NSF: variants seen among roughly 807,000 people sequenced by gnomAD.
The protein encoded by NSF is vesicle-fusing ATPase.
Under a neutral mutation model 50.3 loss-of-function variants are expected in NSF, and 14 were observed. The observed-to-expected ratio is 0.28, with a 90% confidence interval of 0.18 to 0.44. NSF has a LOEUF of 0.44. NSF is among the 20% of genes least tolerant of loss of function. The pLI, the probability that NSF is intolerant of heterozygous loss-of-function variation, is 1.00. For synonymous variants in NSF, 109 were observed against 175.7 expected, an observed-to-expected ratio of 0.62 and a Z score of 3.00; for missense variants, 218 against 504.3, an observed-to-expected ratio of 0.43 and a Z score of 5.44.
intron 14 of NSF, 64 bp from the exon 15 acceptor site, chr17:46,713,789 C>T (rs1164381074): frequency 6.5e-7 from 1 of 1,537,842 alleles, no homozygotes; most frequent in African/African-American, 1.4e-5. Flanking sequence ...AAAGTTTAAA[C>T]TTGTTTTATT....
chr17:46,711,614 C>T (rs2058719775), intron 14 of NSF, among the ~76,000 whole-genome samples: 1 of 152,100 alleles, frequency 6.6e-6, no homozygotes, highest in South Asian at 2.1e-4. Context: ...TTAATCTAGG[C>T]CTTGAAAGAC....
At chr17:46,747,437 C>T (rs1435150315) in intron 17 of NSF, among the ~76,000 whole-genome samples, 1 of 152,092 alleles carries the variant, frequency 6.6e-6, no homozygotes, top group Non-Finnish European at 1.5e-5. Context: ...TTTGCCACCA[C>T]ACCCGGCTAA....
intron 17 of NSF, among the ~76,000 whole-genome samples, chr17:46,732,786 GA>G (rs1173880694): frequency 1.3e-5 from 2 of 152,170 alleles, no homozygotes; most frequent in Non-Finnish European, 2.9e-5. Context: ...TGTTCTGCAG[GA>G]GAAGAGATCG....
Position 46,756,108 on chromosome 17 carries a change from C to G in NSF, c.*285C>G. ...TCAGTCCCTCTGGGTGGGAACCATC[C>G]AGTACTTGTGGACACTACACGTTTC... On this transcript the variant is annotated 3_prime_UTR_variant, in exon 21 of 21. Coordinates refer to ENST00000398238, the MANE Select transcript of NSF (RefSeq NM_006178.4). 1 of 372,268 alleles carries G rather than the reference C, an allele frequency of 2.7e-6. No homozygotes were observed. Among genetic ancestry groups the G allele is most frequent in the Non-Finnish European group, 4.9e-6 (1 of 205,092 alleles). The allele number at this position is 372,268 out of a possible 1,614,324, so 23.1% of individuals were successfully genotyped here. A position where few individuals can be genotyped will look rare whatever the true frequency, so the allele number is the denominator to read the frequency against.
At chr17:46,612,288 G>C (rs2146123302) in intron 1 of NSF, among the ~76,000 whole-genome samples, 1 of 67,978 alleles carries the variant, frequency 1.5e-5, no homozygotes, top group Non-Finnish European at 2.7e-5. Flanking sequence ...CATTGCTGAT[G>C]GGAATGTAAA....
At chr17:46,731,361 T>G (rs2058947223) in intron 17 of NSF, among the ~76,000 whole-genome samples, 1 of 152,130 alleles carries the variant, frequency 6.6e-6, no homozygotes, top group African/African-American at 2.4e-5. Context: ...AGAGGGTCAC[T>G]GCTAATGGGT....
intron 14 of NSF, chr17:46,713,183 GC>G (rs2058735810): frequency 1.3e-5 from 2 of 152,434 alleles, no homozygotes; most frequent in Admixed American, 1.3e-4. Context: ...ACTAGAACAT[GC>G]TAAAACACTT....
chr17:46,710,066 C>T (rs2146259683), intron 13 of NSF, among the ~76,000 whole-genome samples: 1 of 152,282 alleles, frequency 6.6e-6, no homozygotes, highest in East Asian at 1.9e-4. Context: ...TTCTAAAGAA[C>T]TATTAAAACT....
chr17:46,711,491 T>G (rs1390927300), intron 14 of NSF, among the ~76,000 whole-genome samples: 1 of 152,168 alleles, frequency 6.6e-6, no homozygotes, highest in African/African-American at 2.4e-5. Flanking sequence ...TTCAGTCTGG[T>G]CATGAACAAA....
rs1361883797 is a variant in NSF at position 46,704,778 on chromosome 17, T to TG, written c.1396dup (p.Asp466GlyfsTer22). The TG allele has an allele frequency of 6.2e-7, 1 of 1,604,958 alleles. No homozygotes were observed. The highest frequency in any genetic ancestry group is 8.5e-7 in the Non-Finnish European group (1 of 1,177,782). ...TCTTAGGCCAGTACTAAAGTGGAAG[T>TG]GGACATGGAGAAAGCAGAAAGCCTG... is the stretch of plus-strand genomic sequence containing the variant. On this transcript the variant is annotated frameshift_variant, in exon 13 of 21. Coordinates refer to ENST00000398238, the MANE Select transcript of NSF (RefSeq NM_006178.4). LOFTEE classifies it high-confidence loss of function.
chr17:46,741,545 T>C (rs894926341), intron 17 of NSF, among the ~76,000 whole-genome samples: 8 of 152,150 alleles, frequency 5.3e-5, no homozygotes, highest in African/African-American at 1.9e-4. Flanking sequence ...CATGATTTAT[T>C]TGAAACATCC....
intron 14 of NSF, chr17:46,713,186 A>G (rs757919505): frequency 3.3e-5 from 5 of 152,348 alleles, no homozygotes; most frequent in Non-Finnish European, 7.3e-5. Flanking sequence ...AGAACATGCT[A>G]AAACACTTTT....
At chr17:46,725,570 T>G (rs2058880280) in intron 15 of NSF, among the ~76,000 whole-genome samples, 1 of 152,202 alleles carries the variant, frequency 6.6e-6, no homozygotes, top group Non-Finnish European at 1.5e-5. Flanking sequence ...ATACACAGGT[T>G]GTTTTTAAAC....
At chr17:46,731,808 A>C (rs1469469158) in intron 17 of NSF, among the ~76,000 whole-genome samples, 2 of 152,216 alleles carry the variant, frequency 1.3e-5, no homozygotes, top group Non-Finnish European at 2.9e-5. Flanking sequence ...CTGCCAGATT[A>C]CCTGCAGTAT....
intron 13 of NSF, among the ~76,000 whole-genome samples, chr17:46,707,102 C>T (rs1317118705): frequency 9.9e-5 from 15 of 152,094 alleles, no homozygotes; most frequent in African/African-American, 2.7e-4. Flanking sequence ...CTGCCTGCCT[C>T]GGCTTTCCAA....
chr17:46,715,766 A>G (rs892466136), intron 15 of NSF, among the ~76,000 whole-genome samples: 10 of 152,228 alleles, frequency 6.6e-5, no homozygotes, highest in Admixed American at 3.9e-4. Flanking sequence ...GGTTAAATTA[A>G]TGGTTTAATA....
chr17:46,737,165 T>C (rs1025973430), intron 17 of NSF, among the ~76,000 whole-genome samples: 1 of 152,200 alleles, frequency 6.6e-6, no homozygotes, highest in East Asian at 1.9e-4. Flanking sequence ...AGATGGCTCA[T>C]AGTCCAAGAA....
At chr17:46,721,543 G>A in intron 15 of NSF, 1 of 1,193,934 alleles carries the variant, frequency 8.4e-7, no homozygotes, top group Non-Finnish European at 1.2e-6. Context: ...CTTTTTCTGT[G>A]TGTGTGTGAA....
chr17:46,729,235 A>G (rs1038754464), intron 17 of NSF, among the ~76,000 whole-genome samples: 5 of 152,110 alleles, frequency 3.3e-5, no homozygotes, highest in African/African-American at 9.7e-5. Context: ...ACTACCTCCA[A>G]CTGCCAAGGG....
Sources: gnomAD v4.1 joint callset for allele counts (sites outside exome capture counted in the v4.1 genomes callset) on GRCh38, gnomAD v4.1.1 for gene constraint, MANE v1.5 for transcripts, NCBI Gene and HGNC (gene_info 2026-07-23, HGNC 2026-07-21) for gene names.